Variants in EAPP observed in about 807,000 individuals in gnomAD.
EAPP encodes the protein E2F-associated phosphoprotein.
Under a neutral mutation model 34.3 loss-of-function variants are expected in EAPP, and 38 were observed. That is an observed-to-expected ratio of 1.11 (90% confidence interval 0.85 to 1.45). The LOEUF is 1.45. EAPP is among the 40% of genes most tolerant of loss of function. The probability of loss-of-function intolerance (pLI) is 0.00; values close to 1 mark genes in which losing one functional copy is unlikely to be tolerated. For missense variants in EAPP, 338 were observed against 343.7 expected, an observed-to-expected ratio of 0.98 and a Z score of 0.13; for synonymous variants, 113 against 117.6, an observed-to-expected ratio of 0.96 and a Z score of 0.25.
chr14:34,528,650 C>A (rs1361128175), intron 4 of EAPP, among the ~76,000 whole-genome samples: 2 of 150,998 alleles, frequency 1.3e-5, no homozygotes, highest in Non-Finnish European at 2.9e-5. Context: ...AAACTCCCGA[C>A]CTCAGGTGAT....
intron 3 of EAPP, 130 bp from the exon 4 acceptor site, chr14:34,529,605 C>A (rs541166502): frequency 5.6e-5 from 39 of 692,842 alleles, no homozygotes; most frequent in Admixed American, 3.7e-4. Context: ...AAGGGACGGG[C>A]GCAGTGGCTC....
intron 3 of EAPP, among the ~76,000 whole-genome samples, chr14:34,531,451 A>T (rs1880287380): frequency 6.6e-6 from 1 of 151,750 alleles, no homozygotes; most frequent in African/African-American, 2.4e-5. Flanking sequence ...GAATGCAAAA[A>T]TTTAGCCGGG....
At chr14:34,524,675 G>GTGTGTGTGTGTGTT in intron 5 of EAPP, 22 bp downstream of exon 5, 1 of 1,263,194 alleles carries the variant, frequency 7.9e-7, no homozygotes. Flanking sequence ...GTGTGTGTGT[G>GTGTGTGTGTGTGTT]TGTGTGTCCT....
intron 3 of EAPP, among the ~76,000 whole-genome samples, chr14:34,532,855 T>C: frequency 6.6e-6 from 1 of 152,152 alleles, no homozygotes; most frequent in East Asian, 1.9e-4. Context: ...TTTTGTATTT[T>C]TAATAGACAT....
At chr14:34,529,570 T>G in intron 3 of EAPP, 95 bp from the exon 4 acceptor site, 1 of 1,002,274 alleles carries the variant, frequency 1.0e-6, no homozygotes. Context: ...ACACATTTAT[T>G]TATATTTTCC....
intron 5 of EAPP, among the ~76,000 whole-genome samples, chr14:34,521,172 G>T (rs779971543): frequency 6.6e-6 from 1 of 151,902 alleles, no homozygotes; most frequent in Non-Finnish European, 1.5e-5. Flanking sequence ...GGGTACAAGC[G>T]ATTCTCCTGC....
intron 4 of EAPP, among the ~76,000 whole-genome samples, chr14:34,527,278 G>C (rs751969539): frequency 6.6e-6 from 1 of 151,810 alleles, no homozygotes; most frequent in Non-Finnish European, 1.5e-5. Context: ...GATCACCTTG[G>C]GCAACACAGC....
At chr14:34,517,252 T>C (rs6571660) in intron 5 of EAPP, among the ~76,000 whole-genome samples, 41,374 of 135,360 alleles carry the variant, frequency 0.31, 6,381 homozygotes, top group Non-Finnish European at 0.38. Context: ...CTATTTCTTT[T>C]TTTTTTTTTT....
chr14:34,529,257 T>C (rs1880198301), intron 4 of EAPP, 101 bp downstream of exon 4: 2 of 844,000 alleles, frequency 2.4e-6, no homozygotes, highest in Non-Finnish European at 3.7e-6. Flanking sequence ...GTGTGTGTGT[T>C]TGTGTAAACA....
chr14:34,518,234 G>A (rs1879799464), intron 5 of EAPP, among the ~76,000 whole-genome samples: 1 of 151,392 alleles, frequency 6.6e-6, no homozygotes, highest in Admixed American at 6.6e-5. Flanking sequence ...TTTCTATCTG[G>A]ATGATCTGTC....
intron 4 of EAPP, among the ~76,000 whole-genome samples, chr14:34,528,189 CCAT>C (rs1262705783): frequency 6.6e-6 from 1 of 151,624 alleles, no homozygotes; most frequent in Non-Finnish European, 1.5e-5. Context: ...GCACACACCA[CCAT>C]GCCAAGGTAA....
At chr14:34,521,899 G>A (rs1239545746) in intron 5 of EAPP, among the ~76,000 whole-genome samples, 1 of 152,018 alleles carries the variant, frequency 6.6e-6, no homozygotes, top group Admixed American at 6.6e-5. Context: ...CTCCCAAAGT[G>A]CTGGGATTAC....
At chr14:34,520,300 C>T (rs188499800) in intron 5 of EAPP, among the ~76,000 whole-genome samples, 5 of 152,204 alleles carry the variant, frequency 3.3e-5, no homozygotes, top group Admixed American at 3.3e-4. Flanking sequence ...ACCTCCACCT[C>T]CTTGGTTCAA....
chr14:34,537,010 T>A (rs1363629890), intron 1 of EAPP, among the ~76,000 whole-genome samples: 8 of 152,020 alleles, frequency 5.3e-5, no homozygotes, highest in African/African-American at 1.4e-4. Context: ...CTTTTTTTTT[T>A]ATTATTTTTT....
At chr14:34,528,460 C>T (rs1483939639) in intron 4 of EAPP, among the ~76,000 whole-genome samples, 4 of 114,290 alleles carry the variant, frequency 3.5e-5, no homozygotes, top group African/African-American at 1.4e-4. Context: ...CTCATTCTGT[C>T]GTCCAGGCTG....
chr14:34,536,334 C>T (rs953906827), intron 1 of EAPP, 59 bp from the exon 2 acceptor site: 19 of 1,308,268 alleles, frequency 1.5e-5, no homozygotes, highest in Middle Eastern at 2.4e-4. Flanking sequence ...TAATTTTAAA[C>T]TCCCAGCATC....
chr14:34,523,149 C>T (rs1181717020), intron 5 of EAPP, among the ~76,000 whole-genome samples: 1 of 151,814 alleles, frequency 6.6e-6, no homozygotes, highest in Admixed American at 6.6e-5. Context: ...GTGGTGATAG[C>T]TTCAGTGCTG....
At chr14:34,517,396 GCAC>G (rs1293563023) in intron 5 of EAPP, among the ~76,000 whole-genome samples, 2 of 151,392 alleles carry the variant, frequency 1.3e-5, no homozygotes, top group South Asian at 2.1e-4. Flanking sequence ...TTACAGGAAT[GCAC>G]CACCACACCT....
chr14:34,516,469 C>A lies in EAPP; in HGVS notation c.699G>T (p.Lys233Asn), dbSNP rs765675960. The A allele has an allele frequency of 3.1e-6, 5 of 1,614,190 alleles. No homozygotes were observed. Among genetic ancestry groups the A allele is most frequent in the Non-Finnish European group, 4.2e-6 (5 of 1,180,038 alleles). The change falls in exon 6 of 6, where the codon AAG (lysine) becomes AAT (asparagine). Residue 233 changes from lysine (K) to asparagine (N), a missense_variant. Lys to Asn is a moderately conservative substitution (Grantham distance 94). Transcript: ENST00000250454. ...CATCTTCCCGGTTAGACCTCATCTT[C>A]TTATGGACCCGCCTTTTCTTCCTGT... ...SENRKKRRVH[K>N]KMRSNREDAA...
Sources: allele counts gnomAD v4.1 joint callset (sites outside exome capture counted in the v4.1 genomes callset), GRCh38; gene constraint gnomAD v4.1.1; transcripts MANE v1.5; gene names NCBI Gene and HGNC (gene_info 2026-07-23, HGNC 2026-07-21).